Variants in PLA1A observed in about 807,000 individuals in gnomAD.
PLA1A encodes phosphatidylserine-specific phospholipase A1alpha.
PLA1A carries 47 observed loss-of-function variants against 49.4 expected under a neutral mutation model. The observed-to-expected ratio is 0.95, with a 90% CI of 0.75 to 1.21. PLA1A has a LOEUF of 1.21. Ranked by LOEUF, PLA1A falls within the 50% of genes most tolerant of loss-of-function variation. PLA1A has a pLI of 0.00. For synonymous variants in PLA1A, 224 were observed against 207.9 expected (o/e 1.08, Z -0.67); for missense variants, 561 against 563.9 (o/e 0.99, Z 0.05).
chr3:119,629,072 G>T (rs1439535691), intron 10 of PLA1A, among the ~76,000 whole-genome samples: 4 of 152,126 alleles, frequency 2.6e-5, no homozygotes, highest in Admixed American at 1.3e-4. Flanking sequence ...CTGCATATTT[G>T]GTTTCTATGT....
intron 8 of PLA1A, among the ~76,000 whole-genome samples, chr3:119,622,167 A>G (rs56138018): frequency 7.5e-4 from 64 of 85,320 alleles, no homozygotes; most frequent in East Asian, 3.7e-3. Context: ...AAGAAGAAGA[A>G]GAAGAAGAAG....
At chr3:119,617,329 T>G (rs2082862052) in intron 6 of PLA1A, among the ~76,000 whole-genome samples, 1 of 152,102 alleles carries the variant, frequency 6.6e-6, no homozygotes, top group South Asian at 2.1e-4. Flanking sequence ...AAAAAATTGG[T>G]TGTATGGCTG....
At chr3:119,609,969 C>G (rs1273617105) in intron 4 of PLA1A, among the ~76,000 whole-genome samples, 1 of 152,112 alleles carries the variant, frequency 6.6e-6, no homozygotes, top group Non-Finnish European at 1.5e-5. Flanking sequence ...AACCCTTGTC[C>G]CTTGCTTTTC....
At chr3:119,615,768 G>T (rs534665818) in intron 5 of PLA1A, among the ~76,000 whole-genome samples, 2 of 151,706 alleles carry the variant, frequency 1.3e-5, no homozygotes, top group Non-Finnish European at 2.9e-5. Context: ...AGAAGATGGC[G>T]CCACTGCACT....
In PLA1A at chr3:119,624,894, G is replaced by A. The variant is rs573454078; in HGVS notation, c.1013-230G>A. Among the ~76,000 whole-genome samples the A allele has an allele frequency of 2.0e-4, 31 of 152,350 alleles. No homozygotes were observed. The South Asian group carries it at 6.4e-3, about 32-fold the overall frequency. On this transcript the variant is annotated intron_variant, in intron 8 of 10. Coordinates refer to ENST00000273371, the MANE Select transcript of PLA1A (RefSeq NM_015900.4). The stretch of plus-strand genomic sequence containing the variant: ...GATCCACTCGCCTCGGCCTCCCAAA[G>A]TGCTGGGATTACAGGCGTGAACCAC...
At chr3:119,608,298 A>T (rs566900254) in intron 2 of PLA1A, among the ~76,000 whole-genome samples, 1 of 148,682 alleles carries the variant, frequency 6.7e-6, no homozygotes, top group Non-Finnish European at 1.5e-5. Flanking sequence ...GAAAGAAAGA[A>T]AAAGAAAATG....
intron 3 of PLA1A, 76 bp from the exon 4 acceptor site, chr3:119,609,392 T>G: frequency 2.1e-6 from 2 of 932,022 alleles, no homozygotes; most frequent in Admixed American, 3.4e-5. Context: ...CTTCTGAAGC[T>G]TTGGGGGAAA....
chr3:119,627,117 C>T (rs1030031298), intron 9 of PLA1A, among the ~76,000 whole-genome samples: 3 of 152,258 alleles, frequency 2.0e-5, no homozygotes, highest in South Asian at 2.1e-4. Context: ...AAAAGCTCCC[C>T]GAGTAATTCC....
rs116230894 is a variant in PLA1A, at chr3:119,619,224, G to A, written c.923-339G>A. 7.8e-3 allele frequency among the ~76,000 whole-genome samples: 1,193 copies of A among 152,274 alleles called. 14 individuals are homozygous for A. The highest frequency in any genetic ancestry group is 0.027 in the African/African-American group (1,109 of 41,554). On this transcript the variant is annotated intron_variant, in intron 7 of 10. Transcript: ENST00000273371. ...GGTCAAACACTTCCTGCTTCACCAT[G>A]CTCCCACTGCACGGGATATAAATGT...
At chr3:119,626,508 T>A (rs1206875935) in intron 9 of PLA1A, among the ~76,000 whole-genome samples, 1 of 152,068 alleles carries the variant, frequency 6.6e-6, no homozygotes, top group Non-Finnish European at 1.5e-5. Context: ...AGCACAGATT[T>A]GGGGTTGTGG....
intron 6 of PLA1A, 93 bp from the exon 7 acceptor site, chr3:119,617,926 T>A: frequency 1.0e-6 from 1 of 968,668 alleles, no homozygotes; most frequent in Non-Finnish European, 1.6e-6. Flanking sequence ...ATTTACAGCT[T>A]GCTGGAATAT....
chr3:119,614,686 A>G (rs969797391), intron 5 of PLA1A, among the ~76,000 whole-genome samples: 6 of 151,516 alleles, frequency 4.0e-5, no homozygotes, highest in African/African-American at 9.7e-5. Flanking sequence ...GTACCCATTT[A>G]CCTAAGCAAG....
At chr3:119,624,769 T>C (rs143024811) in intron 8 of PLA1A, among the ~76,000 whole-genome samples, 17 of 152,226 alleles carry the variant, frequency 1.1e-4, no homozygotes, top group Non-Finnish European at 1.0e-4. Context: ...TAGCTGGGAT[T>C]ACAGGCACCC....
intron 6 of PLA1A, among the ~76,000 whole-genome samples, chr3:119,616,709 G>T (rs1179396773): frequency 6.6e-6 from 1 of 152,056 alleles, no homozygotes; most frequent in Non-Finnish European, 1.5e-5. Context: ...ACATTTTAAG[G>T]ATTCCTTTGA....
intron 8 of PLA1A, among the ~76,000 whole-genome samples, chr3:119,623,671 G>T (rs1187395190): frequency 2.0e-5 from 3 of 151,632 alleles, no homozygotes; most frequent in African/African-American, 7.3e-5. Context: ...GGTGTGTGGA[G>T]AGGGAGCAGG....
chr3:119,598,060 AC>A, intron 1 of PLA1A, 74 bp downstream of exon 1: 1 of 952,560 alleles, frequency 1.0e-6, no homozygotes, highest in Non-Finnish European at 1.6e-6. Context: ...CTTATGCAGT[AC>A]TAACTTTTGG....
At position 119,619,606 on chromosome 3, in the gene PLA1A, G is replaced by A; in HGVS notation, c.966G>A (p.Lys322=). ...GTGTCAAGATAGAGCCGCTCCCCAA[G>A]GAAGTGAAAGTCTACCTCCTGACTA... The part of the protein sequence containing the change: ...QGGVKIEPLP[K]EVKVYLLTTS... Residue 322 remains lysine, a synonymous_variant, in exon 8 of 11, where the codon AAG becomes AAA. Transcript: ENST00000273371. The A allele has an allele frequency of 1.2e-6, 2 of 1,613,920 alleles. No individual in the cohort carries two copies. Among genetic ancestry groups the A allele is most frequent in the Non-Finnish European group, 1.7e-6 (2 of 1,179,776 alleles).
chr3:119,614,504 G>A (rs893896194), intron 5 of PLA1A, among the ~76,000 whole-genome samples: 1 of 151,578 alleles, frequency 6.6e-6, no homozygotes, highest in Admixed American at 6.6e-5. Flanking sequence ...TACTCTGGAG[G>A]CTGAGGCAGG....
chr3:119,597,918 C>T lies in PLA1A; in HGVS notation c.5C>T (p.Pro2Leu), dbSNP rs2082562747. ...TCTGAGATTTCCAGCTCAGCGATGC[C>T]CCCAGGTCCCTGGGAGAGCTGCTTC... M[P>L]PGPWESCFWV... The change falls in exon 1 of 11, where the codon CCC (proline) becomes CTC (leucine). Residue 2 changes from proline (P) to leucine (L), a missense_variant. Coordinates refer to ENST00000273371, the MANE Select transcript of PLA1A (RefSeq NM_015900.4). 6.2e-7 allele frequency: 1 copy of T among 1,605,086 alleles called. No homozygotes were observed. Among genetic ancestry groups the T allele is most frequent in the South Asian group, 1.1e-5 (1 of 89,646 alleles).
Sources: gnomAD v4.1 joint callset for allele counts (sites outside exome capture counted in the v4.1 genomes callset) on GRCh38, gnomAD v4.1.1 for gene constraint, MANE v1.5 for transcripts, NCBI Gene and HGNC (gene_info 2026-07-23, HGNC 2026-07-21) for gene names.